Variants in SCUBE1 observed in about 807,000 individuals in gnomAD.
SCUBE1 encodes signal peptide, CUB and EGF-like domain-containing protein 1.
In SCUBE1, 59 loss-of-function variants were observed where a neutral mutation model predicts 124.4. The observed-to-expected ratio is 0.47, with a 90% CI of 0.38 to 0.59. The LOEUF (loss-of-function observed/expected upper bound fraction) is 0.59, where lower values mean the gene tolerates loss of function less well. Among genes scored for constraint, SCUBE1 ranks in the 20% least tolerant of loss-of-function variants. The pLI, the probability that SCUBE1 is intolerant of heterozygous loss-of-function variation, is 0.00. For synonymous variants in SCUBE1, 545 were observed against 550.9 expected (o/e 0.99, Z 0.15); for missense variants, 1,150 against 1,371.2 (o/e 0.84, Z 2.55).
chr22:43,252,248 T>C (rs1923481279), intron 6 of SCUBE1, among the ~76,000 whole-genome samples: 1 of 152,196 alleles, frequency 6.6e-6, no homozygotes, highest in Admixed American at 6.5e-5. Flanking sequence ...CATTCTAGAC[T>C]TACAACTGCG....
intron 4 of SCUBE1, among the ~76,000 whole-genome samples, chr22:43,274,861 C>T (rs1455765281): frequency 1.3e-5 from 2 of 152,186 alleles, no homozygotes; most frequent in Non-Finnish European, 2.9e-5. Flanking sequence ...GCATGAGGGG[C>T]GGCAGCGGGT....
intron 2 of SCUBE1, among the ~76,000 whole-genome samples, chr22:43,335,954 AATG>A (rs1025062484): frequency 2.5e-5 from 3 of 118,544 alleles, no homozygotes; most frequent in African/African-American, 1.0e-4. Context: ...TGAAGATGAT[AATG>A]ATGATGGTGA....
intron 16 of SCUBE1, chr22:43,213,786 T>G (rs115644461): frequency 0.012 from 3,018 of 257,032 alleles, 121 homozygotes; most frequent in African/African-American, 0.064. Flanking sequence ...AAACCGTAAG[T>G]TGCACACTGT....
intron 9 of SCUBE1, among the ~76,000 whole-genome samples, chr22:43,227,913 G>A (rs1216996426): frequency 6.6e-6 from 1 of 152,202 alleles, no homozygotes; most frequent in Admixed American, 6.5e-5. Flanking sequence ...AGACACCAGG[G>A]TGAAAGAGGT....
At chr22:43,242,811 G>C (rs545504393) in intron 6 of SCUBE1, among the ~76,000 whole-genome samples, 172 of 152,318 alleles carry the variant, frequency 1.1e-3, no homozygotes, top group Non-Finnish European at 2.0e-3. Flanking sequence ...CACCTGGAGA[G>C]ATCATGGAAC....
At chr22:43,306,573 G>A (rs1925977140) in intron 3 of SCUBE1, among the ~76,000 whole-genome samples, 1 of 152,150 alleles carries the variant, frequency 6.6e-6, no homozygotes, top group African/African-American at 2.4e-5. Flanking sequence ...GGGGAAGGTG[G>A]CCTCATACAG....
chr22:43,241,645 T>C (rs1336661672), intron 6 of SCUBE1, among the ~76,000 whole-genome samples: 1 of 151,990 alleles, frequency 6.6e-6, no homozygotes, highest in Non-Finnish European at 1.5e-5. Context: ...AGGAGCCCCC[T>C]CCTCTCCCCC....
rs1480946889 is a variant in SCUBE1 at position 43,203,412 on chromosome 22, TA to T, written c.*584del. The T allele has an allele frequency of 6.7e-6, 1 of 150,172 alleles. No individual in the cohort carries two copies. The highest frequency in any genetic ancestry group is 2.4e-5 in the African/African-American group (1 of 40,994). 9.3% of individuals were successfully genotyped at this position (150,172 alleles called of 1,614,324 possible). A position where few individuals can be genotyped will look rare whatever the true frequency, so the allele number is the denominator to read the frequency against. ...TATATATATATATAGAGTACTTCAT[TA>T]AATGTTCTGTTGAAGGAATGCAGAA... On this transcript the variant is annotated 3_prime_UTR_variant, in exon 22 of 22. Transcript: ENST00000360835.
intron 9 of SCUBE1, among the ~76,000 whole-genome samples, chr22:43,228,859 C>T (rs937490566): frequency 6.6e-6 from 1 of 152,382 alleles, no homozygotes; most frequent in Non-Finnish European, 1.5e-5. Flanking sequence ...GACCTGCTAC[C>T]CACCTCTAAC....
At chr22:43,341,177 G>A (rs750659826) in intron 1 of SCUBE1, among the ~76,000 whole-genome samples, 1 of 148,848 alleles carries the variant, frequency 6.7e-6, no homozygotes, top group Non-Finnish European at 1.5e-5. Context: ...TCAGGTGGGC[G>A]GCCTGTCCTA....
At chr22:43,329,850 C>T (rs1209928922) in intron 2 of SCUBE1, among the ~76,000 whole-genome samples, 3 of 152,156 alleles carry the variant, frequency 2.0e-5, no homozygotes, top group African/African-American at 2.4e-5. Flanking sequence ...CACAAGTCCA[C>T]GGTTTATTTT....
At chr22:43,224,870 T>C (rs956673909) in intron 10 of SCUBE1, among the ~76,000 whole-genome samples, 9 of 152,208 alleles carry the variant, frequency 5.9e-5, no homozygotes, top group South Asian at 2.1e-4. Flanking sequence ...TGCAGCCTTA[T>C]GAATTTAGAC....
intron 3 of SCUBE1, among the ~76,000 whole-genome samples, chr22:43,312,376 CA>C (rs1236616267): frequency 2.0e-5 from 3 of 152,178 alleles, no homozygotes; most frequent in Admixed American, 2.0e-4. Flanking sequence ...AGCAGGACCT[CA>C]CCAGATCCCT....
chr22:43,290,935 A>G (rs1925333200), intron 4 of SCUBE1, 111 bp downstream of exon 4: 2 of 1,283,362 alleles, frequency 1.6e-6, no homozygotes, highest in Admixed American at 5.4e-5. Flanking sequence ...ACTACCACCA[A>G]AATTCCCTGC....
rs924280164 is a variant in SCUBE1, at chr22:43,208,346, A to G, written c.2582-122T>C. On this transcript the variant is annotated intron_variant, in intron 19 of 21. Transcript: ENST00000360835. Reference sequence around the variant, plus strand: ...ACCGAACGCCTGGTCCCCCAAACACAACGGCTTAGTCTTTGTGCTTGCTCC... The same window carrying G: ...ACCGAACGCCTGGTCCCCCAAACACGACGGCTTAGTCTTTGTGCTTGCTCC... 5.7e-6 allele frequency: 5 copies of G among 871,768 alleles called. No homozygotes were observed. In the African/African-American group the frequency reaches 8.3e-5, roughly 15 times the overall value. The allele number at this position is 871,768 out of a possible 1,614,324, so 54.0% of individuals were successfully genotyped here.
chr22:43,208,526 C>T (rs181986882), intron 19 of SCUBE1, among the ~76,000 whole-genome samples: 230 of 152,314 alleles, frequency 1.5e-3, no homozygotes, highest in African/African-American at 5.2e-3. Context: ...ATCACAGGCC[C>T]CTCTGTCAGT....
intron 3 of SCUBE1, among the ~76,000 whole-genome samples, chr22:43,297,621 G>A (rs1374518492): frequency 2.0e-5 from 3 of 152,250 alleles, no homozygotes; most frequent in African/African-American, 7.2e-5. Context: ...GCAGGCCATA[G>A]GTTGACCCGC....
At chr22:43,305,618 G>C (rs1925940448) in intron 3 of SCUBE1, among the ~76,000 whole-genome samples, 1 of 152,172 alleles carries the variant, frequency 6.6e-6, no homozygotes, top group Non-Finnish European at 1.5e-5. Context: ...AGGCTGGAGT[G>C]TCAGCAGGGC....
Position 43,231,793 on chromosome 22 carries a change from C to T in SCUBE1, c.927G>A (p.Arg309=), listed in dbSNP as rs1354034762. Residue 309 remains arginine, a synonymous_variant, in exon 8 of 22, where the codon CGG becomes CGA. Coordinates refer to ENST00000360835, the MANE Select transcript of SCUBE1 (RefSeq NM_173050.5). The part of the protein sequence containing the change: ...NTVGSFECGC[R]KGYKLLTDER... ...CGTCGGTGAGCAGCTTGTAGCCCTT[C>T]CGGCAGCCGCACTCGAAGCTGCCCA... 6.2e-7 allele frequency: 1 copy of T among 1,610,738 alleles called. No homozygotes were observed. Among genetic ancestry groups the T allele is most frequent in the Admixed American group, 1.7e-5 (1 of 59,674 alleles).
Sources: allele counts gnomAD v4.1 joint callset (sites outside exome capture counted in the v4.1 genomes callset), GRCh38; gene constraint gnomAD v4.1.1; transcripts MANE v1.5; gene names NCBI Gene and HGNC (gene_info 2026-07-23, HGNC 2026-07-21).